KCNT2: variants seen among roughly 807,000 people sequenced by gnomAD.
KCNT2 encodes potassium sodium-activated channel subfamily T member 2, also known as potassium channel subfamily T member 2.
A neutral mutation model predicts 153.8 loss-of-function variants in KCNT2; 67 were observed. That is an observed-to-expected ratio of 0.44 (90% CI 0.36 to 0.53). KCNT2 has a LOEUF of 0.53. Among genes scored for constraint, KCNT2 ranks in the 20% least tolerant of loss-of-function variants. KCNT2 has a pLI of 0.00. For missense variants in KCNT2, 975 were observed against 1,354.8 expected (o/e 0.72, Z 4.40); for synonymous variants, 500 against 458.8 (o/e 1.09, Z -1.15).
chr1:196,606,761 T>C (rs1665369875), intron 1 of KCNT2, among the ~76,000 whole-genome samples: 1 of 152,204 alleles, frequency 6.6e-6, no homozygotes, highest in South Asian at 2.1e-4. Flanking sequence ...TTCTATATAA[T>C]GATCCTGAGG....
chr1:196,483,019 A>G (rs1301360713), intron 3 of KCNT2, among the ~76,000 whole-genome samples: 1 of 152,150 alleles, frequency 6.6e-6, no homozygotes, highest in African/African-American at 2.4e-5. Context: ...TTTATAACCT[A>G]GCTGTGTCTA....
chr1:196,368,943 A>G (rs2148311157), intron 14 of KCNT2, among the ~76,000 whole-genome samples: 1 of 152,212 alleles, frequency 6.6e-6, no homozygotes, highest in South Asian at 2.1e-4. Context: ...TCTACTGTCC[A>G]GTGTCAATAA....
chr1:196,371,585 G>T (rs1446935078), intron 14 of KCNT2, among the ~76,000 whole-genome samples: 1 of 151,952 alleles, frequency 6.6e-6, no homozygotes, highest in Non-Finnish European at 1.5e-5. Flanking sequence ...AAATAATTTT[G>T]CAAGTCACTC....
chr1:196,288,559 A>G (rs1659892067), intron 22 of KCNT2, among the ~76,000 whole-genome samples: 1 of 152,086 alleles, frequency 6.6e-6, no homozygotes, highest in African/African-American at 2.4e-5. Flanking sequence ...AAGATAAACT[A>G]TAGTGTTAAT....
intron 5 of KCNT2, 57 bp downstream of exon 5, chr1:196,479,122 G>A (rs756611057): frequency 5.2e-5 from 57 of 1,104,230 alleles, no homozygotes; most frequent in Non-Finnish European, 7.7e-5. Flanking sequence ...GAGGAATACT[G>A]AGTAAATACT....
intron 1 of KCNT2, among the ~76,000 whole-genome samples, chr1:196,602,232 T>A (rs954959979): frequency 6.6e-6 from 1 of 152,206 alleles, no homozygotes; most frequent in Non-Finnish European, 1.5e-5. Flanking sequence ...TAATTTCAAA[T>A]TGTAAGTATA....
chr1:196,549,077 C>T (rs915768134), intron 1 of KCNT2, among the ~76,000 whole-genome samples: 14 of 151,938 alleles, frequency 9.2e-5, no homozygotes, highest in African/African-American at 3.1e-4. Flanking sequence ...GTGGGTGCAG[C>T]GCACCAGCAT....
intron 1 of KCNT2, among the ~76,000 whole-genome samples, chr1:196,531,547 GT>G (rs1654942492): frequency 6.6e-6 from 1 of 151,970 alleles, no homozygotes; most frequent in Non-Finnish European, 1.5e-5. Flanking sequence ...GAACTCACGG[GT>G]CAAAGCTTCT....
At chr1:196,337,916 C>G (rs1224611642) in intron 16 of KCNT2, among the ~76,000 whole-genome samples, 1 of 152,090 alleles carries the variant, frequency 6.6e-6, no homozygotes, top group Non-Finnish European at 1.5e-5. Flanking sequence ...AATGCAAGCT[C>G]TATGAACTAG....
chr1:196,562,511 A>G (rs190430913), intron 1 of KCNT2, among the ~76,000 whole-genome samples: 1 of 152,138 alleles, frequency 6.6e-6, no homozygotes, highest in Admixed American at 6.6e-5. Flanking sequence ...TTAGTTTACA[A>G]TAACATGGTA....
chr1:196,289,339 C>T (rs753409747), intron 22 of KCNT2, among the ~76,000 whole-genome samples: 2 of 151,916 alleles, frequency 1.3e-5, no homozygotes, highest in Non-Finnish European at 2.9e-5. Flanking sequence ...ACCTATTACA[C>T]CTTGTTTATG....
intron 1 of KCNT2, among the ~76,000 whole-genome samples, chr1:196,567,027 A>T (rs1228625534): frequency 6.6e-6 from 1 of 152,154 alleles, no homozygotes; most frequent in African/African-American, 2.4e-5. Context: ...ATACACAAAT[A>T]AATGCAAGAA....
At chr1:196,403,284 T>C (rs959172186) in intron 12 of KCNT2, among the ~76,000 whole-genome samples, 8 of 151,604 alleles carry the variant, frequency 5.3e-5, no homozygotes, top group Non-Finnish European at 1.2e-4. Context: ...CAAATGCATA[T>C]TGCTAAGTGA....
intron 8 of KCNT2, among the ~76,000 whole-genome samples, chr1:196,443,778 T>C (rs539760611): frequency 1.8e-4 from 28 of 151,668 alleles, no homozygotes; most frequent in Admixed American, 4.0e-4. Flanking sequence ...TAATTCATCT[T>C]ATGTTAATTT....
intron 25 of KCNT2, among the ~76,000 whole-genome samples, chr1:196,264,849 T>A (rs538573205): frequency 6.6e-5 from 10 of 152,134 alleles, no homozygotes; most frequent in Admixed American, 1.3e-4. Flanking sequence ...CTGGCTGGCC[T>A]AGAACTCCTG....
intron 1 of KCNT2, among the ~76,000 whole-genome samples, chr1:196,546,037 A>T (rs1657047917): frequency 6.6e-6 from 1 of 152,012 alleles, no homozygotes; most frequent in African/African-American, 2.4e-5. Context: ...GTATATAACC[A>T]ATAGTATTCT....
intron 25 of KCNT2, among the ~76,000 whole-genome samples, chr1:196,267,482 A>G (rs1299729385): frequency 6.6e-6 from 1 of 152,126 alleles, no homozygotes; most frequent in African/African-American, 2.4e-5. Flanking sequence ...AAGCCCATTT[A>G]TGCTCCTACT....
intron 1 of KCNT2, among the ~76,000 whole-genome samples, chr1:196,580,836 C>A (rs1025514767): frequency 6.6e-6 from 1 of 152,112 alleles, no homozygotes; most frequent in East Asian, 1.9e-4. Context: ...ACTCAAAAGG[C>A]TTCAAAGTGT....
intron 14 of KCNT2, among the ~76,000 whole-genome samples, chr1:196,355,113 G>A (rs1052969595): frequency 1.3e-5 from 2 of 151,438 alleles, no homozygotes; most frequent in Non-Finnish European, 3.0e-5. Flanking sequence ...ACATAACTAT[G>A]TATTATATGA....
Sources: gnomAD v4.1 joint callset for allele counts (sites outside exome capture counted in the v4.1 genomes callset) on GRCh38, gnomAD v4.1.1 for gene constraint, MANE v1.5 for transcripts, NCBI Gene and HGNC (gene_info 2026-07-23, HGNC 2026-07-21) for gene names.